KCNQ3: variants seen among roughly 807,000 people sequenced by gnomAD.
KCNQ3 encodes potassium voltage-gated channel subfamily KQT member 3.
In KCNQ3, 30 loss-of-function variants were observed where a neutral mutation model predicts 92.5. The ratio of observed to expected loss-of-function variants is 0.32; its 90% confidence interval spans 0.24 to 0.44. The LOEUF is 0.44. KCNQ3 is among the 20% of genes least tolerant of loss of function. The pLI is 1.00. For synonymous variants in KCNQ3, 450 were observed against 468.8 expected, an observed-to-expected ratio of 0.96 and a Z score of 0.52; for missense variants, 913 against 1,140.3, an observed-to-expected ratio of 0.80 and a Z score of 2.87.
intron 1 of KCNQ3, among the ~76,000 whole-genome samples, chr8:132,199,837 G>A (rs1827406312): frequency 6.6e-6 from 1 of 151,492 alleles, no homozygotes; most frequent in Admixed American, 6.6e-5. Context: ...TTGAACCTGG[G>A]AAGCTGAGGT....
intron 1 of KCNQ3, among the ~76,000 whole-genome samples, chr8:132,215,357 T>C (rs899712182): frequency 2.0e-5 from 3 of 152,214 alleles, no homozygotes; most frequent in African/African-American, 4.8e-5. Context: ...CAAAATTAAC[T>C]ATAGCTATTT....
chr8:132,158,525 G>A (rs775654832), intron 9 of KCNQ3, among the ~76,000 whole-genome samples: 2 of 152,146 alleles, frequency 1.3e-5, no homozygotes, highest in Non-Finnish European at 2.9e-5. Flanking sequence ...AGAACAGAAC[G>A]AGCAAAAGGG....
intron 9 of KCNQ3, among the ~76,000 whole-genome samples, chr8:132,151,527 C>A (rs187509956): frequency 6.6e-6 from 1 of 152,132 alleles, no homozygotes; most frequent in African/African-American, 2.4e-5. Flanking sequence ...TATGGTTTTT[C>A]TGTAAATTGA....
intron 8 of KCNQ3, among the ~76,000 whole-genome samples, chr8:132,165,480 C>T (rs908536061): frequency 7.9e-5 from 12 of 152,192 alleles, no homozygotes; most frequent in African/African-American, 2.2e-4. Flanking sequence ...GGCAGTAATT[C>T]GGAGGCTTCC....
chr8:132,292,998 T>C (rs1816902962), intron 1 of KCNQ3, among the ~76,000 whole-genome samples: 1 of 152,138 alleles, frequency 6.6e-6, no homozygotes, highest in African/African-American at 2.4e-5. Flanking sequence ...CAATCATGCC[T>C]AAGTAATGAA....
chr8:132,267,696 C>G (rs939546328), intron 1 of KCNQ3, among the ~76,000 whole-genome samples: 1 of 152,164 alleles, frequency 6.6e-6, no homozygotes. Flanking sequence ...TGCTGAAAGG[C>G]GGATTCCCAG....
In KCNQ3 at chr8:132,229,848, C is replaced by A. The variant is rs572577853; in HGVS notation, c.387-43667G>T. 2.0e-5 allele frequency among the ~76,000 whole-genome samples: 3 copies of A among 152,254 alleles called. No homozygotes were observed. In the East Asian group the frequency reaches 5.8e-4, roughly 30 times the overall value. ...GTGGAGAGAAGCCCTAGGCTGAATG[C>A]ATTAGGATTCTAATGACATGCCACA... On this transcript the variant is annotated intron_variant, in intron 1 of 14. Coordinates refer to ENST00000388996, the MANE Select transcript of KCNQ3 (RefSeq NM_004519.4).
chr8:132,157,801 T>TA (rs1825851466), intron 9 of KCNQ3, among the ~76,000 whole-genome samples: 1 of 152,022 alleles, frequency 6.6e-6, no homozygotes, highest in Middle Eastern at 3.2e-3. Flanking sequence ...ATACATTAGG[T>TA]ATTTGCCCTA....
rs886062682 is a variant in KCNQ3 at position 132,128,501 on chromosome 8, T to TTG, written c.*759_*760dup. The TTG allele has an allele frequency of 1.5e-4, 17 of 116,934 alleles. No individual in the cohort carries two copies. The highest frequency in any genetic ancestry group is 4.7e-4 in the African/African-American group (15 of 31,710). 7.2% of individuals were successfully genotyped at this position (116,934 alleles called of 1,614,324 possible). On this transcript the variant is annotated 3_prime_UTR_variant, in exon 15 of 15. Transcript: ENST00000388996. Reference sequence around the variant, plus strand: ...ACATAAATTGGAAACTATTTTAACTTTGTGTATGTGTGTGTGTGTGTGTGT... The same window carrying TTG: ...ACATAAATTGGAAACTATTTTAACTTTGTGTGTATGTGTGTGTGTGTGTGTGT...
intron 1 of KCNQ3, among the ~76,000 whole-genome samples, chr8:132,464,116 A>G (rs549643760): frequency 3.7e-4 from 57 of 152,188 alleles, no homozygotes; most frequent in South Asian, 3.1e-3. Flanking sequence ...CATCATTTTT[A>G]TATTAGCAGA....
At chr8:132,191,300 T>C (rs1224244586) in intron 1 of KCNQ3, among the ~76,000 whole-genome samples, 1 of 152,128 alleles carries the variant, frequency 6.6e-6, no homozygotes, top group Non-Finnish European at 1.5e-5. Context: ...TAGCTGGAAC[T>C]ACAGGTGTGC....
At chr8:132,342,721 C>T (rs1818568845) in intron 1 of KCNQ3, among the ~76,000 whole-genome samples, 2 of 152,088 alleles carry the variant, frequency 1.3e-5, no homozygotes, top group South Asian at 4.2e-4. Flanking sequence ...CTTGCTAATC[C>T]CTGTAGGCAT....
chr8:132,198,650 T>C (rs1357831738), intron 1 of KCNQ3, among the ~76,000 whole-genome samples: 1 of 151,834 alleles, frequency 6.6e-6, no homozygotes, highest in African/African-American at 2.4e-5. Flanking sequence ...CTACTAAACA[T>C]ACAAAAATTA....
intron 1 of KCNQ3, among the ~76,000 whole-genome samples, chr8:132,202,620 C>T (rs1827496936): frequency 6.6e-6 from 1 of 152,180 alleles, no homozygotes; most frequent in South Asian, 2.1e-4. Context: ...AGTCCTAGGG[C>T]ATGGACACAG....
chr8:132,163,492 T>G lies in KCNQ3; in HGVS notation c.1238A>C (p.Lys413Thr), dbSNP rs749434016. 6.2e-7 allele frequency: 1 copy of G among 1,611,684 alleles called. No individual in the cohort carries two copies. The highest frequency in any genetic ancestry group is 2.2e-5 in the East Asian group (1 of 44,842). The change falls in exon 9 of 15, where the codon AAA (lysine) becomes ACA (threonine). Residue 413 changes from lysine (K) to threonine (T), a missense_variant and splice_region_variant. Lys to Thr is a moderately conservative substitution (Grantham distance 78). This residue lies in a region of KCNQ3 where 182 missense variants were observed against 234.5 expected (regional missense o/e 0.78). Coordinates refer to ENST00000388996, the MANE Select transcript of KCNQ3 (RefSeq NM_004519.4). The part of the protein sequence containing the change: ...ESVVSFPFFR[K>T]EQLEAASSQK... Reference sequence around the variant, plus strand: ...CCTGGATGCTGCCTCCAGCTGTTCTTTCCTAGAAAGAGAAGAGGGAGAAAA... The same window carrying G: ...CCTGGATGCTGCCTCCAGCTGTTCTGTCCTAGAAAGAGAAGAGGGAGAAAA...
In KCNQ3 at chr8:132,358,440, C is replaced by A. The variant is rs956735589; in HGVS notation, c.386+121707G>T. Among the ~76,000 whole-genome samples the A allele has an allele frequency of 5.9e-5, 9 of 152,192 alleles. 1 individual carries two copies. The highest frequency in any genetic ancestry group is 2.0e-4 in the Admixed American group (3 of 15,272). On this transcript the variant is annotated intron_variant, in intron 1 of 14. Coordinates refer to ENST00000388996, the MANE Select transcript of KCNQ3 (RefSeq NM_004519.4). ...CCAGATCCATTCAGCCACAGAATAT[C>A]TAGAGGAAGAAGTCAACCAAAGAAG...
chr8:132,190,124 A>G (rs1827116261), intron 1 of KCNQ3, among the ~76,000 whole-genome samples: 1 of 152,092 alleles, frequency 6.6e-6, no homozygotes, highest in Non-Finnish European at 1.5e-5. Flanking sequence ...CCCACAGCTG[A>G]ACTAATTTGG....
chr8:132,125,859 A>G lies in KCNQ3; in HGVS notation c.*3403T>C, dbSNP rs1824648245. 6.6e-6 allele frequency: 1 copy of G among 152,192 alleles called. No individual in the cohort carries two copies. The highest frequency in any genetic ancestry group is 1.5e-5 in the Non-Finnish European group (1 of 68,028). 9.4% of individuals were successfully genotyped at this position (152,192 alleles called of 1,614,324 possible). A position where few individuals can be genotyped will look rare whatever the true frequency, so the allele number is the denominator to read the frequency against. ...TCTAAAAACAAAGTTATTCAACAAC[A>G]CTTTCTCAATTTGATGTGTTTTTCT... On this transcript the variant is annotated 3_prime_UTR_variant, in exon 15 of 15. Coordinates refer to ENST00000388996, the MANE Select transcript of KCNQ3 (RefSeq NM_004519.4).
intron 1 of KCNQ3, among the ~76,000 whole-genome samples, chr8:132,337,597 G>T (rs1377075562): frequency 6.6e-6 from 1 of 152,090 alleles, no homozygotes; most frequent in African/African-American, 2.4e-5. Context: ...GTACCAACAG[G>T]TCACATGTTG....
Sources: allele counts gnomAD v4.1 joint callset (sites outside exome capture counted in the v4.1 genomes callset), GRCh38; gene constraint gnomAD v4.1.1; regional missense constraint gnomAD v4.1.1; transcripts MANE v1.5; gene names NCBI Gene and HGNC (gene_info 2026-07-23, HGNC 2026-07-21).